PRKG2: variants seen among roughly 807,000 people sequenced by gnomAD.
The protein encoded by PRKG2 is cGMP-dependent protein kinase 2.
Under a neutral mutation model 97.2 loss-of-function variants are expected in PRKG2, and 33 were observed. That is an observed-to-expected ratio of 0.34 (90% CI 0.26 to 0.45). The LOEUF (loss-of-function observed/expected upper bound fraction) is 0.45, where lower values mean the gene tolerates loss of function less well. PRKG2 is among the 20% of genes least tolerant of loss of function. The pLI is 1.00. For missense variants in PRKG2, 638 were observed against 900.0 expected (o/e 0.71, Z 3.73); for synonymous variants, 330 against 321.8 (o/e 1.03, Z -0.27).
intron 12 of PRKG2, 28 bp from the exon 13 acceptor site, chr4:81,137,510 T>C (rs768734564): frequency 2.6e-6 from 4 of 1,554,326 alleles, no homozygotes; most frequent in Non-Finnish European, 3.5e-6. Flanking sequence ...AACATGGTTA[T>C]TATTGGAAAT....
Position 81,089,395 on chromosome 4 carries a change from T to A in PRKG2, c.*313A>T, listed in dbSNP as rs1741327146. 4.4e-6 allele frequency: 1 copy of A among 227,332 alleles called. No homozygotes were observed. The highest frequency in any genetic ancestry group is 8.5e-6 in the Non-Finnish European group (1 of 117,956). 14.1% of individuals were successfully genotyped at this position (227,332 alleles called of 1,614,324 possible). ...TCAAACGAGAAGGATATGATTGGAA[T>A]GGAACAATAGATTGCAGAAAAAACT... On this transcript the variant is annotated 3_prime_UTR_variant, in exon 19 of 19. Transcript: ENST00000264399.
chr4:81,144,194 A>C (rs768345218), intron 10 of PRKG2, 38 bp downstream of exon 10: 4 of 1,542,186 alleles, frequency 2.6e-6, no homozygotes, highest in Non-Finnish European at 3.6e-6. Flanking sequence ...TGGCTGCCAG[A>C]AGTCAGCTCC....
intron 14 of PRKG2, among the ~76,000 whole-genome samples, chr4:81,121,307 G>C (rs1334320496): frequency 6.6e-6 from 1 of 151,918 alleles, no homozygotes; most frequent in Non-Finnish European, 1.5e-5. Context: ...AGTAATAATG[G>C]CCTCATAAAA....
At chr4:81,190,645 C>T (rs564994526) in intron 2 of PRKG2, among the ~76,000 whole-genome samples, 1 of 152,092 alleles carries the variant, frequency 6.6e-6, no homozygotes, top group Admixed American at 6.5e-5. Flanking sequence ...TCAGAATGAA[C>T]AGGCAACCTA....
intron 6 of PRKG2, among the ~76,000 whole-genome samples, chr4:81,165,569 C>CTT (rs142610361): frequency 0.017 from 2,652 of 152,100 alleles, 85 homozygotes; most frequent in African/African-American, 0.06. Context: ...CCATTACTCT[C>CTT]GTTAATCACT....
At chr4:81,105,760 C>T (rs902040075) in intron 16 of PRKG2, 53 bp downstream of exon 16, 3 of 1,584,104 alleles carry the variant, frequency 1.9e-6, no homozygotes, top group African/African-American at 2.7e-5. Flanking sequence ...GAAACAGAAA[C>T]CGAAGCCTTT....
chr4:81,132,627 T>A (rs115476643), intron 14 of PRKG2, among the ~76,000 whole-genome samples: 1 of 152,202 alleles, frequency 6.6e-6, no homozygotes, highest in Non-Finnish European at 1.5e-5. Context: ...AGAGCTTGAA[T>A]ATCTACTCTT....
intron 2 of PRKG2, among the ~76,000 whole-genome samples, chr4:81,199,524 G>A (rs992357920): frequency 6.6e-6 from 1 of 152,092 alleles, no homozygotes; most frequent in Non-Finnish European, 1.5e-5. Context: ...CCTTTGGCAG[G>A]TTATATAATT....
intron 11 of PRKG2, among the ~76,000 whole-genome samples, chr4:81,142,261 C>T (rs2110040526): frequency 1.3e-5 from 2 of 152,290 alleles, no homozygotes; most frequent in Non-Finnish European, 1.5e-5. Context: ...TTCAAATATT[C>T]CCTTTCATTC....
intron 6 of PRKG2, among the ~76,000 whole-genome samples, chr4:81,156,554 T>G (rs1311402030): frequency 6.6e-6 from 1 of 151,982 alleles, no homozygotes; most frequent in African/African-American, 2.4e-5. Context: ...ACCCAGGAAT[T>G]GAACTCAGCT....
intron 2 of PRKG2, among the ~76,000 whole-genome samples, chr4:81,181,726 G>A (rs1370101707): frequency 6.6e-6 from 1 of 151,746 alleles, no homozygotes; most frequent in Non-Finnish European, 1.5e-5. Flanking sequence ...AAAGAAATGA[G>A]TAGTATGAAC....
chr4:81,104,474 T>A, intron 16 of PRKG2, 42 bp from the exon 17 acceptor site: 3 of 904,042 alleles, frequency 3.3e-6, no homozygotes, highest in Non-Finnish European at 4.4e-6. Context: ...AATAATTATA[T>A]TTATAATAAT....
At chr4:81,204,494 T>C (rs1753519781) in intron 2 of PRKG2, 93 bp downstream of exon 2, 3 of 1,345,392 alleles carry the variant, frequency 2.2e-6, no homozygotes, top group African/African-American at 1.5e-5. Context: ...AGGGTCAATA[T>C]GTTCTTTATC....
chr4:81,183,595 A>T (rs1751609788), intron 2 of PRKG2, among the ~76,000 whole-genome samples: 1 of 148,788 alleles, frequency 6.7e-6, no homozygotes. Context: ...AGCTGCAGGA[A>T]TTTTTTTTTT....
intron 15 of PRKG2, among the ~76,000 whole-genome samples, chr4:81,107,331 T>C (rs1464509360): frequency 6.6e-6 from 1 of 151,940 alleles, no homozygotes; most frequent in Non-Finnish European, 1.5e-5. Context: ...TGAGAATTGA[T>C]GGTATCATCA....
chr4:81,209,551 T>C (rs917223372), intron 1 of PRKG2, among the ~76,000 whole-genome samples: 1 of 152,056 alleles, frequency 6.6e-6, no homozygotes, highest in African/African-American at 2.4e-5. Flanking sequence ...AAGAAAAAGA[T>C]AGAAACATAG....
intron 11 of PRKG2, among the ~76,000 whole-genome samples, chr4:81,141,842 C>T (rs1372783445): frequency 6.6e-6 from 1 of 152,174 alleles, no homozygotes; most frequent in Non-Finnish European, 1.5e-5. Flanking sequence ...ACATTACACA[C>T]ATTATTTATC....
In PRKG2 at chr4:81,171,836, C is replaced by A. The variant is rs1231334412; in HGVS notation, c.629-32G>T. The stretch of plus-strand genomic sequence containing the variant: ...AGCAGAATTTTAAAAAACACACACA[C>A]AAATAATCGAAATCCGTGTAGATAC... On this transcript the variant is annotated intron_variant, in intron 3 of 18. Coordinates refer to ENST00000264399, the MANE Select transcript of PRKG2 (RefSeq NM_006259.3). The A allele has an allele frequency of 4.1e-6, 6 of 1,446,258 alleles. No homozygotes were observed. The Admixed American group carries it at 5.8e-5, about 14-fold the overall frequency. 89.6% of individuals were successfully genotyped at this position (1,446,258 alleles called of 1,614,324 possible). A position where few individuals can be genotyped will look rare whatever the true frequency, so the allele number is the denominator to read the frequency against.
upstream of PRKG2, among the ~76,000 whole-genome samples, chr4:81,216,972 G>A (rs1754294311): frequency 7.1e-6 from 1 of 141,790 alleles, no homozygotes; most frequent in African/African-American, 2.7e-5. Context: ...CAGTTTTTCA[G>A]GTGATAGGTA....
Sources: gnomAD v4.1 joint callset for allele counts (sites outside exome capture counted in the v4.1 genomes callset) on GRCh38, gnomAD v4.1.1 for gene constraint, MANE v1.5 for transcripts, NCBI Gene and HGNC (gene_info 2026-07-23, HGNC 2026-07-21) for gene names.